Variants in SEPTIN2 observed in about 807,000 individuals in gnomAD.
SEPTIN2 encodes septin 2.
Under a neutral mutation model 46.5 loss-of-function variants are expected in SEPTIN2, and 34 were observed. That is an observed-to-expected ratio of 0.73 (90% confidence interval 0.56 to 0.97). SEPTIN2 has a LOEUF of 0.97. Ranked by LOEUF, SEPTIN2 falls within the 50% of genes least tolerant of loss-of-function variation. The pLI, the probability that SEPTIN2 is intolerant of heterozygous loss-of-function variation, is 0.00. For missense variants in SEPTIN2, 347 were observed against 448.4 expected, an observed-to-expected ratio of 0.77 and a Z score of 2.04; for synonymous variants, 175 against 153.4, an observed-to-expected ratio of 1.14 and a Z score of -1.04.
intron 7 of SEPTIN2, among the ~76,000 whole-genome samples, chr2:241,342,628 C>T (rs977136631): frequency 2.7e-5 from 4 of 150,354 alleles, no homozygotes; most frequent in Admixed American, 6.7e-5. Context: ...CTCCGCCTCC[C>T]GGGTTCACGC....
At chr2:241,316,855 A>G (rs1228087701) in intron 1 of SEPTIN2, 2 of 260,504 alleles carry the variant, frequency 7.7e-6, no homozygotes, top group African/African-American at 2.2e-5. Context: ...TCCCACCTTA[A>G]CTGCCTTCTC....
intron 1 of SEPTIN2, chr2:241,316,274 C>T (rs1375227741): frequency 1.7e-5 from 7 of 411,856 alleles, no homozygotes; most frequent in East Asian, 3.9e-5. Flanking sequence ...TTCCTCTGCA[C>T]TGTCGTCGGT....
At chr2:241,323,706 G>A (rs968324025) in intron 1 of SEPTIN2, among the ~76,000 whole-genome samples, 3 of 152,068 alleles carry the variant, frequency 2.0e-5, no homozygotes, top group Non-Finnish European at 4.4e-5. Flanking sequence ...GAGTGTAAGC[G>A]AGCTACACCA....
chr2:241,316,714 G>C (rs754605929), intron 1 of SEPTIN2: 4 of 478,114 alleles, frequency 8.4e-6, no homozygotes, highest in Non-Finnish European at 1.5e-5. Context: ...TACCTTTTCG[G>C]TCTAATTCTT....
chr2:241,339,047 AT>A (rs2080877969), intron 7 of SEPTIN2, among the ~76,000 whole-genome samples: 1 of 131,106 alleles, frequency 7.6e-6, no homozygotes, highest in East Asian at 2.0e-4. Flanking sequence ...TTATATATAC[AT>A]TTTTATATAT....
At chr2:241,323,001 TAC>T (rs1165192366) in intron 1 of SEPTIN2, among the ~76,000 whole-genome samples, 18 of 152,206 alleles carry the variant, frequency 1.2e-4, no homozygotes, top group Non-Finnish European at 8.8e-5. Context: ...CATATATATA[TAC>T]AGTTGCTTTT....
Position 241,343,754 on chromosome 2 carries a change from T to G in SEPTIN2, c.699T>G (p.Ala233=). 2.5e-6 allele frequency: 4 copies of G among 1,614,178 alleles called. No homozygotes were observed. Among genetic ancestry groups the G allele is most frequent in the Non-Finnish European group, 3.4e-6 (4 of 1,180,018 alleles). The change falls in exon 9 of 13, where the codon GCT becomes GCG. Residue 233 remains alanine, a splice_region_variant and synonymous_variant. Coordinates refer to ENST00000391971, the MANE Select transcript of SEPTIN2 (RefSeq NM_004404.5). ...CTACTCTGTGTGTCTCTTTCTAGGC[T>G]AGCATCCCATTCTCTGTGGTTGGAT... ...DFKEQTRLLK[A]SIPFSVVGSN... is the part of the protein sequence containing the mutation.
chr2:241,346,140 C>G, intron 9 of SEPTIN2, 26 bp from the exon 10 acceptor site: 2 of 1,578,718 alleles, frequency 1.3e-6, no homozygotes, highest in Non-Finnish European at 1.7e-6. Context: ...ATGATGCCAC[C>G]TTGGTGCATT....
At chr2:241,340,394 T>C (rs552791562) in intron 7 of SEPTIN2, among the ~76,000 whole-genome samples, 1 of 152,336 alleles carries the variant, frequency 6.6e-6, no homozygotes, top group South Asian at 2.1e-4. Context: ...TTGACTTTCA[T>C]TTTTTCACAT....
chr2:241,316,391 G>C (rs2076250867), intron 1 of SEPTIN2: 1 of 1,010,818 alleles, frequency 9.9e-7, no homozygotes. Flanking sequence ...TGGCCATCTT[G>C]TCTTTCTAAC....
At chr2:241,329,331 T>G (rs970871135) in intron 3 of SEPTIN2, among the ~76,000 whole-genome samples, 1 of 152,024 alleles carries the variant, frequency 6.6e-6, no homozygotes, top group Non-Finnish European at 1.5e-5. Context: ...GGTTTCACCG[T>G]GTTAGCCATG....
chr2:241,337,261 C>T (rs1360342836), intron 5 of SEPTIN2, 121 bp from the exon 6 acceptor site: 43 of 962,732 alleles, frequency 4.5e-5, no homozygotes, highest in South Asian at 1.1e-4. Flanking sequence ...CTTCTGTTCT[C>T]ATCTTGAAAA....
Position 241,343,739 on chromosome 2 carries a change from T to G in SEPTIN2, c.697-13T>G. Reference sequence around the variant, plus strand: ...CTGTGTGGAGCCTGTCTACTCTGTGTGTCTCTTTCTAGGCTAGCATCCCAT... The same window carrying G: ...CTGTGTGGAGCCTGTCTACTCTGTGGGTCTCTTTCTAGGCTAGCATCCCAT... On this transcript the variant is annotated splice_polypyrimidine_tract_variant and intron_variant, in intron 8 of 12. Coordinates refer to ENST00000391971, the MANE Select transcript of SEPTIN2 (RefSeq NM_004404.5). The G allele has an allele frequency of 6.2e-7, 1 of 1,614,060 alleles. No homozygotes were observed. The highest frequency in any genetic ancestry group is 2.2e-5 in the East Asian group (1 of 44,876).
chr2:241,351,085 A>T (rs769597608), intron 12 of SEPTIN2, among the ~76,000 whole-genome samples: 4 of 152,156 alleles, frequency 2.6e-5, no homozygotes, highest in Non-Finnish European at 2.9e-5. Context: ...GAAGGTCTCT[A>T]CTACAATTCA....
At chr2:241,321,704 C>G (rs182866298) in intron 1 of SEPTIN2, among the ~76,000 whole-genome samples, 1 of 152,112 alleles carries the variant, frequency 6.6e-6, no homozygotes, top group African/African-American at 2.4e-5. Context: ...AGGATTACTT[C>G]TGATTTTGTT....
intron 3 of SEPTIN2, among the ~76,000 whole-genome samples, chr2:241,333,654 C>T (rs958228396): frequency 6.6e-6 from 1 of 151,818 alleles, no homozygotes; most frequent in Admixed American, 6.6e-5. Flanking sequence ...CAGGCGCCCG[C>T]CACCACGCCC....
intron 7 of SEPTIN2, among the ~76,000 whole-genome samples, chr2:241,341,755 C>A (rs1312740353): frequency 6.6e-6 from 1 of 152,148 alleles, no homozygotes; most frequent in Non-Finnish European, 1.5e-5. Flanking sequence ...TCTTAAAAAC[C>A]AGAAAGCAAA....
intron 7 of SEPTIN2, among the ~76,000 whole-genome samples, chr2:241,342,755 C>T (rs2081428596): frequency 6.6e-6 from 1 of 152,000 alleles, no homozygotes; most frequent in Non-Finnish European, 1.5e-5. Context: ...CCAGGATGGT[C>T]TCCATCTCCT....
At chr2:241,337,832 CGGG>C in intron 7 of SEPTIN2, 42 bp downstream of exon 7, 1 of 1,373,844 alleles carries the variant, frequency 7.3e-7, no homozygotes, top group Non-Finnish European at 1.0e-6. Context: ...GGGTGCGACT[CGGG>C]GGCATGGGGA....
Sources: gnomAD v4.1 joint callset for allele counts (sites outside exome capture counted in the v4.1 genomes callset) on GRCh38, gnomAD v4.1.1 for gene constraint, MANE v1.5 for transcripts, NCBI Gene and HGNC (gene_info 2026-07-23, HGNC 2026-07-21) for gene names.